MYT1L: variants seen among roughly 807,000 people sequenced by gnomAD.
MYT1L encodes the protein myelin transcription factor 1-like protein.
A neutral mutation model predicts 126.7 loss-of-function variants in MYT1L; 12 were observed. The ratio of observed to expected loss-of-function variants is 0.09; its 90% CI spans 0.06 to 0.15. The LOEUF is 0.15. Among genes scored for constraint, MYT1L ranks in the 10% least tolerant of loss-of-function variants. The pLI is 1.00. For synonymous variants in MYT1L, 541 were observed against 604.2 expected, an observed-to-expected ratio of 0.90 and a Z score of 1.53; for missense variants, 979 against 1,585.2, an observed-to-expected ratio of 0.62 and a Z score of 6.49.
rs1489317314 is a variant in MYT1L, at chr2:1,858,890, C to T, written c.2712-7187G>A. ...CCGGGTGGAGTCTCTGCTGCCTCCCCCATAGGCACCTCAGCCTCCCTGCCC... is the reference window on the plus strand; with the variant it reads ...CCGGGTGGAGTCTCTGCTGCCTCCCTCATAGGCACCTCAGCCTCCCTGCCC... On this transcript the variant is annotated intron_variant, in intron 18 of 24. Transcript: ENST00000647738. 2.0e-5 allele frequency among the ~76,000 whole-genome samples: 3 copies of T among 152,226 alleles called. No individual in the cohort carries two copies. The South Asian group carries it at 6.2e-4, about 31-fold the overall frequency.
intron 3 of MYT1L, among the ~76,000 whole-genome samples, chr2:2,078,203 A>G (rs571248113): frequency 1.3e-5 from 2 of 152,274 alleles, no homozygotes; most frequent in South Asian, 4.1e-4. Context: ...AAAAGAAACA[A>G]CAAAGGAACT....
chr2:2,047,084 T>C (rs1488412837), intron 4 of MYT1L, among the ~76,000 whole-genome samples: 1 of 152,238 alleles, frequency 6.6e-6, no homozygotes, highest in Non-Finnish European at 1.5e-5. Context: ...TATGCTATAT[T>C]TTAATGAAGT....
At chr2:2,274,896 C>T (rs184022602) in intron 2 of MYT1L, among the ~76,000 whole-genome samples, 178 of 152,242 alleles carry the variant, frequency 1.2e-3, no homozygotes, top group African/African-American at 4.1e-3. Context: ...CATAAGACCC[C>T]GAGAGCCTCC....
chr2:2,189,194 C>G (rs901689250), intron 2 of MYT1L, among the ~76,000 whole-genome samples: 2 of 152,200 alleles, frequency 1.3e-5, no homozygotes, highest in Non-Finnish European at 2.9e-5. Flanking sequence ...AACTCCTGGC[C>G]ATGCCGCCAC....
At chr2:2,278,436 A>G (rs1028123149) in intron 2 of MYT1L, among the ~76,000 whole-genome samples, 1 of 152,230 alleles carries the variant, frequency 6.6e-6, no homozygotes, top group African/African-American at 2.4e-5. Context: ...AATTATAAAG[A>G]GACACAAAAT....
intron 2 of MYT1L, among the ~76,000 whole-genome samples, chr2:2,221,636 C>T (rs980092164): frequency 1.3e-5 from 2 of 152,186 alleles, no homozygotes. Context: ...AGACGCCGCC[C>T]AGGCTCCCTC....
Position 1,910,366 on chromosome 2 carries a change from G to A in MYT1L, c.1710-19C>T, listed in dbSNP as rs1489063437. 2 of 1,602,576 alleles carry A rather than the reference G, an allele frequency of 1.2e-6. No individual in the cohort carries two copies. Among genetic ancestry groups the A allele is most frequent in the Middle Eastern group, 1.7e-4 (1 of 6,046 alleles). On this transcript the variant is annotated intron_variant, in intron 12 of 24. Transcript: ENST00000647738. The surrounding 1 kb of genome is among the most constrained non-coding windows in gnomAD (Gnocchi z 4.8). ...GGAGAGGCTGCAATCACAGAAAGCG[G>A]GTTGAATGGTCCCGCCTCAAACACC...
At chr2:2,315,150 T>C (rs1223184289) in intron 1 of MYT1L, among the ~76,000 whole-genome samples, 1 of 152,210 alleles carries the variant, frequency 6.6e-6, no homozygotes, top group Non-Finnish European at 1.5e-5. Context: ...CAACTGTCCC[T>C]GAAAACTTTT....
Position 1,889,532 on chromosome 2 carries a change from G to A in MYT1L, c.2284-55C>T, listed in dbSNP as rs969420608. On this transcript the variant is annotated intron_variant, in intron 15 of 24. Coordinates refer to ENST00000647738, the MANE Select transcript of MYT1L (RefSeq NM_001303052.2). The surrounding 1 kb of genome is among the most constrained non-coding windows in gnomAD (Gnocchi z 4.1). ...TTGGCCCGGCATCTTGTGACACCAC[G>A]AGTCCTTCCTCCCAGATTACAGTCC... 5.1e-6 allele frequency: 7 copies of A among 1,375,208 alleles called. No individual in the cohort carries two copies. Among genetic ancestry groups the A allele is most frequent in the Middle Eastern group, 1.8e-4 (1 of 5,428 alleles). 85.2% of individuals were successfully genotyped at this position (1,375,208 alleles called of 1,614,324 possible).
intron 1 of MYT1L, among the ~76,000 whole-genome samples, chr2:2,289,163 G>A (rs2149449481): frequency 6.6e-6 from 1 of 152,304 alleles, no homozygotes; most frequent in Non-Finnish European, 1.5e-5. Flanking sequence ...GGTGATGCCT[G>A]TCCCTTAACC....
chr2:2,288,353 G>A (rs1281229217), intron 1 of MYT1L, among the ~76,000 whole-genome samples: 1 of 152,118 alleles, frequency 6.6e-6, no homozygotes, highest in Admixed American at 6.5e-5. Flanking sequence ...CAATTAAAAG[G>A]AACTTTAAAA....
chr2:2,011,360 G>A (rs985259633), intron 4 of MYT1L, among the ~76,000 whole-genome samples: 7 of 150,594 alleles, frequency 4.6e-5, no homozygotes, highest in South Asian at 2.1e-4. Flanking sequence ...CCGAGATTGC[G>A]CCACTGCACT....
intron 2 of MYT1L, among the ~76,000 whole-genome samples, chr2:2,177,981 G>T (rs1390439110): frequency 6.6e-6 from 1 of 152,008 alleles, no homozygotes; most frequent in Non-Finnish European, 1.5e-5. Context: ...ACAGGAGTAG[G>T]GTTGTGACAA....
intron 1 of MYT1L, among the ~76,000 whole-genome samples, chr2:2,290,761 A>T (rs1381936500): frequency 6.6e-6 from 1 of 152,170 alleles, no homozygotes; most frequent in Non-Finnish European, 1.5e-5. Flanking sequence ...CTGCAGAGAC[A>T]CTGATCCAAT....
At chr2:1,831,728 C>A (rs1024528055) in intron 21 of MYT1L, among the ~76,000 whole-genome samples, 1 of 152,166 alleles carries the variant, frequency 6.6e-6, no homozygotes, top group Non-Finnish European at 1.5e-5. Flanking sequence ...GAAGCTTCTG[C>A]ACATCATGGC....
At chr2:2,164,335 TG>T in intron 3 of MYT1L, among the ~76,000 whole-genome samples, 1 of 152,336 alleles carries the variant, frequency 6.6e-6, no homozygotes, top group African/African-American at 2.4e-5. Context: ...AGTATTCCCT[TG>T]GAACTTATCA....
At chr2:1,819,670 C>T (rs993303196) in intron 21 of MYT1L, among the ~76,000 whole-genome samples, 28 of 152,190 alleles carry the variant, frequency 1.8e-4, no homozygotes, top group African/African-American at 6.8e-4. Flanking sequence ...GCACATGGTC[C>T]GATGATGTGA....
chr2:2,089,470 A>C (rs1418644845), intron 3 of MYT1L, among the ~76,000 whole-genome samples: 3 of 152,232 alleles, frequency 2.0e-5, no homozygotes, highest in Non-Finnish European at 4.4e-5. Flanking sequence ...ACATGAAAGA[A>C]ACAGAAATCT....
intron 3 of MYT1L, among the ~76,000 whole-genome samples, chr2:2,165,540 C>T (rs1379881989): frequency 6.6e-6 from 1 of 152,182 alleles, no homozygotes; most frequent in Non-Finnish European, 1.5e-5. Flanking sequence ...ATAAAATATA[C>T]AGAATATTGG....
Sources: allele counts gnomAD v4.1 joint callset (sites outside exome capture counted in the v4.1 genomes callset), GRCh38; gene constraint gnomAD v4.1.1; non-coding constraint Gnocchi (gnomAD v3.1); transcripts MANE v1.5; gene names NCBI Gene and HGNC (gene_info 2026-07-23, HGNC 2026-07-21).